The following SCN3A variants were observed in gnomAD, a reference collection of about 807,000 sequenced individuals.
SCN3A encodes the protein sodium voltage-gated channel alpha subunit 3, also known as sodium channel protein type 3 subunit alpha.
In SCN3A, 60 loss-of-function variants were observed where a neutral mutation model predicts 187.6. That is an observed-to-expected ratio of 0.32 (90% CI 0.26 to 0.40). The LOEUF (loss-of-function observed/expected upper bound fraction) is 0.40. SCN3A is among the 10% of genes least tolerant of loss of function. The pLI, the probability that SCN3A is intolerant of heterozygous loss-of-function variation, is 1.00. For missense variants in SCN3A, 1,601 were observed against 2,428.2 expected (o/e 0.66, Z 7.16); for synonymous variants, 788 against 829.2 (o/e 0.95, Z 0.85).
At chr2:165,155,928 G>T in intron 9 of SCN3A, 25 bp from the exon 10 acceptor site, 1 of 1,613,816 alleles carries the variant, frequency 6.2e-7, no homozygotes, top group Non-Finnish European at 8.5e-7. Context: ...AATGGAGGTA[G>T]GGTCAGTTTA....
chr2:165,203,531 A>G (rs995836331), intron 1 of SCN3A, among the ~76,000 whole-genome samples: 1 of 152,104 alleles, frequency 6.6e-6, no homozygotes, highest in South Asian at 2.1e-4. Flanking sequence ...AGCTTTAAGT[A>G]TAATAAAAAA....
chr2:165,148,182 G>C (rs902922614), intron 11 of SCN3A, among the ~76,000 whole-genome samples: 18 of 123,934 alleles, frequency 1.5e-4, no homozygotes, highest in Admixed American at 3.3e-4. Context: ...AATGTACTTT[G>C]CTATCAATTG....
intron 1 of SCN3A, among the ~76,000 whole-genome samples, chr2:165,199,606 C>T (rs1390745689): frequency 1.3e-5 from 2 of 150,732 alleles, no homozygotes; most frequent in Non-Finnish European, 3.0e-5. Context: ...AAAAAAAATA[C>T]TTGGCACATT....
chr2:165,095,687 C>T (rs767704878), intron 24 of SCN3A, 39 bp from the exon 25 acceptor site: 56 of 1,103,782 alleles, frequency 5.1e-5, no homozygotes, highest in Non-Finnish European at 7.5e-5. Flanking sequence ...ATGAAAAATA[C>T]TATAAATACT....
chr2:165,157,764 A>G (rs1689149883), intron 9 of SCN3A, among the ~76,000 whole-genome samples: 1 of 152,222 alleles, frequency 6.6e-6, no homozygotes, highest in African/African-American at 2.4e-5. Context: ...AATCATTTCA[A>G]TTAACATGTA....
chr2:165,159,979 A>C (rs1285685701), intron 9 of SCN3A, among the ~76,000 whole-genome samples: 3 of 133,324 alleles, frequency 2.3e-5, no homozygotes, highest in Non-Finnish European at 4.6e-5. Context: ...AGAATACAAA[A>C]TTAGCCGGGC....
chr2:165,191,236 A>T (rs1419114280), intron 1 of SCN3A, among the ~76,000 whole-genome samples: 2 of 152,016 alleles, frequency 1.3e-5, no homozygotes, highest in Non-Finnish European at 2.9e-5. Context: ...CAGCAGTATT[A>T]CACAGAAGCC....
intron 22 of SCN3A, among the ~76,000 whole-genome samples, chr2:165,097,772 A>G (rs1385679045): frequency 6.6e-6 from 1 of 152,180 alleles, no homozygotes; most frequent in Non-Finnish European, 1.5e-5. Context: ...AAAACCTGGT[A>G]TAGTAAGATG....
chr2:165,170,611 T>C, intron 3 of SCN3A, 63 bp from the exon 4 acceptor site: 2 of 983,298 alleles, frequency 2.0e-6, no homozygotes, highest in South Asian at 1.3e-5. Flanking sequence ...AGAGCTTACA[T>C]ACATGAAGAA....
At chr2:165,133,799 T>TA (rs763065877) in intron 15 of SCN3A, among the ~76,000 whole-genome samples, 1 of 152,178 alleles carries the variant, frequency 6.6e-6, no homozygotes, top group Non-Finnish European at 1.5e-5. Context: ...GCTACTGAAT[T>TA]ATTGCCCTTG....
chr2:165,178,857 A>G (rs1479898307), intron 2 of SCN3A, among the ~76,000 whole-genome samples: 1 of 152,168 alleles, frequency 6.6e-6, no homozygotes, highest in Non-Finnish European at 1.5e-5. Context: ...AAATAAAACT[A>G]ATGTTTTTAG....
intron 2 of SCN3A, among the ~76,000 whole-genome samples, chr2:165,185,111 A>G (rs1163135360): frequency 2.0e-5 from 3 of 151,916 alleles, no homozygotes; most frequent in Non-Finnish European, 4.4e-5. Context: ...CTCTATCTTC[A>G]AGATAATTAT....
At chr2:165,151,857 C>A (rs907530667) in intron 11 of SCN3A, among the ~76,000 whole-genome samples, 2 of 152,118 alleles carry the variant, frequency 1.3e-5, no homozygotes. Flanking sequence ...ACCTGGCAAT[C>A]ACACTGTGCC....
chr2:165,139,369 T>C, intron 14 of SCN3A, 107 bp downstream of exon 14: 1 of 1,449,144 alleles, frequency 6.9e-7, no homozygotes, highest in South Asian at 1.2e-5. Context: ...AGGTCTAATA[T>C]ATAGTTTCGA....
At chr2:165,180,390 A>G (rs1690769125) in intron 2 of SCN3A, among the ~76,000 whole-genome samples, 1 of 152,210 alleles carries the variant, frequency 6.6e-6, no homozygotes, top group African/African-American at 2.4e-5. Flanking sequence ...TCTGAAGTTC[A>G]TAAAAAGTAT....
At chr2:165,107,215 A>G (rs191320106) in intron 21 of SCN3A, among the ~76,000 whole-genome samples, 65 of 152,332 alleles carry the variant, frequency 4.3e-4, no homozygotes, top group African/African-American at 1.5e-3. Context: ...AAAAGTCTCT[A>G]TTAAAAGCCA....
chr2:165,098,110 G>A (rs1042697425), intron 22 of SCN3A, among the ~76,000 whole-genome samples: 17 of 152,216 alleles, frequency 1.1e-4, no homozygotes, highest in African/African-American at 3.6e-4. Flanking sequence ...ATATCTGGTC[G>A]TAACAGTACT....
At chr2:165,202,641 A>G (rs1018585428) in intron 1 of SCN3A, among the ~76,000 whole-genome samples, 9 of 152,034 alleles carry the variant, frequency 5.9e-5, no homozygotes, top group Non-Finnish European at 1.2e-4. Context: ...TTTTCAACAT[A>G]TCATTAGGAA....
At position 165,091,264 on chromosome 2, in the gene SCN3A, C is replaced by T. The variant is rs1559175180; in HGVS notation, c.4889G>A (p.Arg1630Gln). 1 of 1,614,072 alleles carries T rather than the reference C, an allele frequency of 6.2e-7. No homozygotes were observed. The highest frequency in any genetic ancestry group is 8.5e-7 in the Non-Finnish European group (1 of 1,179,988). ...FRVIRLARIG[R>Q]ILRLIKGAKG... is the part of the protein sequence containing the mutation. Reference sequence around the variant, plus strand: ...TGCTCCTTTGATCAGACGTAGGATTCGGCCAATCCTGGCAAGACGGATCAC... The same window carrying T: ...TGCTCCTTTGATCAGACGTAGGATTTGGCCAATCCTGGCAAGACGGATCAC... Residue 1630 changes from arginine (R) to glutamine (Q), a missense_variant, in exon 28 of 28, where the codon CGA (arginine) becomes CAA (glutamine). Arg to Gln is a conservative substitution (Grantham distance 43, BLOSUM62 1). This residue lies in a region of SCN3A where 320 missense variants were observed against 623.2 expected (regional missense o/e 0.51). Transcript: ENST00000283254.
Sources: allele counts gnomAD v4.1 joint callset (sites outside exome capture counted in the v4.1 genomes callset), GRCh38; gene constraint gnomAD v4.1.1; regional missense constraint gnomAD v4.1.1; transcripts MANE v1.5; gene names NCBI Gene and HGNC (gene_info 2026-07-23, HGNC 2026-07-21).